Variants in TAFA2 observed in about 807,000 individuals in gnomAD.
TAFA2 encodes the protein TAFA chemokine like family member 2.
TAFA2 carries 7 observed loss-of-function variants against 18.8 expected under a neutral mutation model. The observed-to-expected ratio is 0.37, with a 90% confidence interval of 0.21 to 0.70. The LOEUF (loss-of-function observed/expected upper bound fraction) is 0.70. Among genes scored for constraint, TAFA2 ranks in the 30% least tolerant of loss-of-function variants. TAFA2 has a pLI of 0.53. For synonymous variants in TAFA2, 60 were observed against 54.2 expected (o/e 1.11, Z -0.47); for missense variants, 122 against 158.1 (o/e 0.77, Z 1.23).
chr12:61,878,976 G>C (rs1378057395), intron 1 of TAFA2, among the ~76,000 whole-genome samples: 7 of 152,138 alleles, frequency 4.6e-5, no homozygotes. Context: ...TAAGTGACTT[G>C]TTCAAAGTCA....
At chr12:62,245,415 A>G (rs1313833970) in intron 1 of TAFA2, among the ~76,000 whole-genome samples, 4 of 151,876 alleles carry the variant, frequency 2.6e-5, no homozygotes, top group Admixed American at 6.6e-5. Flanking sequence ...AAGTTTGCCA[A>G]GTACTTTTAC....
At chr12:61,905,416 A>C (rs1233682633) in intron 1 of TAFA2, among the ~76,000 whole-genome samples, 2 of 152,296 alleles carry the variant, frequency 1.3e-5, no homozygotes, top group East Asian at 1.9e-4. Flanking sequence ...TAATTTAGAG[A>C]GTTATAAATA....
intron 1 of TAFA2, chr12:62,022,221 C>G (rs544302417): frequency 6.9e-6 from 2 of 288,534 alleles, no homozygotes; most frequent in East Asian, 1.6e-4. Flanking sequence ...AGAGACCAAG[C>G]GATGAAGAGC....
intron 2 of TAFA2, among the ~76,000 whole-genome samples, chr12:61,795,561 C>T (rs1218952077): frequency 6.6e-6 from 1 of 151,896 alleles, no homozygotes; most frequent in Non-Finnish European, 1.5e-5. Flanking sequence ...AGGGGAACAA[C>T]ACACACCAGG....
chr12:62,177,077 G>T (rs369231791), intron 1 of TAFA2, among the ~76,000 whole-genome samples: 1 of 152,174 alleles, frequency 6.6e-6, no homozygotes, highest in Non-Finnish European at 1.5e-5. Context: ...CTGGCATGTT[G>T]GTCAGGTTTT....
chr12:61,847,523 T>C (rs1873456854), intron 2 of TAFA2, among the ~76,000 whole-genome samples: 1 of 152,198 alleles, frequency 6.6e-6, no homozygotes, highest in Admixed American at 6.5e-5. Context: ...GAGAAACGCA[T>C]TACATGAAAA....
intron 1 of TAFA2, among the ~76,000 whole-genome samples, chr12:62,207,633 A>G (rs1364284638): frequency 6.6e-6 from 1 of 152,138 alleles, no homozygotes; most frequent in African/African-American, 2.4e-5. Flanking sequence ...AGAATTGTAA[A>G]TGAAGTCCAA....
At chr12:62,124,222 TA>T (rs1870352868) in intron 1 of TAFA2, among the ~76,000 whole-genome samples, 2 of 151,894 alleles carry the variant, frequency 1.3e-5, no homozygotes, top group Non-Finnish European at 2.9e-5. Flanking sequence ...CTGGATTACA[TA>T]TGTATTTGTC....
chr12:62,239,082 C>T (rs1306879048), intron 1 of TAFA2, among the ~76,000 whole-genome samples: 1 of 152,198 alleles, frequency 6.6e-6, no homozygotes, highest in African/African-American at 2.4e-5. Context: ...AGAAGCCAGC[C>T]TTTCACTCCC....
intron 2 of TAFA2, among the ~76,000 whole-genome samples, chr12:61,856,873 CACTT>C (rs1369940999): frequency 2.0e-5 from 3 of 151,516 alleles, no homozygotes; most frequent in East Asian, 3.9e-4. Flanking sequence ...ATAGCTCAAA[CACTT>C]AATAATATGG....
At chr12:62,007,269 T>C (rs977818193) in intron 1 of TAFA2, among the ~76,000 whole-genome samples, 1 of 152,234 alleles carries the variant, frequency 6.6e-6, no homozygotes, top group Non-Finnish European at 1.5e-5. Flanking sequence ...AGGGCATAAA[T>C]GTTCCAACAT....
chr12:61,857,353 A>C (rs1256236001), intron 2 of TAFA2, among the ~76,000 whole-genome samples: 2 of 152,190 alleles, frequency 1.3e-5, no homozygotes, highest in Admixed American at 6.5e-5. Context: ...AGACCTTCTC[A>C]TTTAATAAGG....
intron 1 of TAFA2, among the ~76,000 whole-genome samples, chr12:62,160,578 T>C (rs770478425): frequency 1.8e-4 from 27 of 152,178 alleles, no homozygotes; most frequent in Non-Finnish European, 3.7e-4. Flanking sequence ...AAATTGTGTT[T>C]TGCCTGCCAT....
At chr12:61,991,185 C>A (rs1269844945) in intron 1 of TAFA2, among the ~76,000 whole-genome samples, 4 of 152,250 alleles carry the variant, frequency 2.6e-5, no homozygotes, top group Admixed American at 6.5e-5. Context: ...AGTTTCCTTA[C>A]CGTCAAAATG....
chr12:62,174,956 C>T (rs1364734584), intron 1 of TAFA2, among the ~76,000 whole-genome samples: 1 of 152,086 alleles, frequency 6.6e-6, no homozygotes, highest in Non-Finnish European at 1.5e-5. Context: ...TAATGATGCT[C>T]CCTGTTTCAC....
At chr12:62,205,724 T>C (rs1276041140) in intron 1 of TAFA2, among the ~76,000 whole-genome samples, 1 of 152,226 alleles carries the variant, frequency 6.6e-6, no homozygotes, top group Non-Finnish European at 1.5e-5. Flanking sequence ...TAATGACTGC[T>C]GCCCTTCCAG....
intron 1 of TAFA2, among the ~76,000 whole-genome samples, chr12:62,224,070 T>C (rs916263108): frequency 4.9e-5 from 7 of 142,704 alleles, no homozygotes; most frequent in African/African-American, 1.7e-4. Context: ...CAAAATGTGT[T>C]TTATATGTGC....
intron 4 of TAFA2, among the ~76,000 whole-genome samples, chr12:61,732,573 A>G (rs1868247644): frequency 1.3e-5 from 2 of 152,056 alleles, no homozygotes; most frequent in South Asian, 4.1e-4. Context: ...GGCATGAGAG[A>G]CAATGCAGAC....
chr12:61,930,473 T>A (rs1230131631), intron 1 of TAFA2, among the ~76,000 whole-genome samples: 3 of 152,334 alleles, frequency 2.0e-5, no homozygotes, highest in Non-Finnish European at 4.4e-5. Flanking sequence ...CACATTCCTC[T>A]TCACAACAAC....
Sources: gnomAD v4.1 joint callset for allele counts (sites outside exome capture counted in the v4.1 genomes callset) on GRCh38, gnomAD v4.1.1 for gene constraint, MANE v1.5 for transcripts, NCBI Gene and HGNC (gene_info 2026-07-23, HGNC 2026-07-21) for gene names.